SLC4A5: variants seen among roughly 807,000 people sequenced by gnomAD.
SLC4A5 encodes solute carrier family 4 member 5.
A neutral mutation model predicts 120.4 loss-of-function variants in SLC4A5; 96 were observed. That is an observed-to-expected ratio of 0.80 (90% CI 0.68 to 0.94). The LOEUF (loss-of-function observed/expected upper bound fraction) is 0.94, where lower values mean the gene tolerates loss of function less well. SLC4A5 is among the 40% of genes least tolerant of loss of function. The pLI, the probability that SLC4A5 is intolerant of heterozygous loss-of-function variation, is 0.00. For missense variants in SLC4A5, 1,259 were observed against 1,459.5 expected (o/e 0.86, Z 2.24); for synonymous variants, 550 against 571.1 (o/e 0.96, Z 0.53).
intron 3 of SLC4A5, among the ~76,000 whole-genome samples, chr2:74,338,197 G>T (rs1171876161): frequency 1.3e-5 from 2 of 152,206 alleles, no homozygotes; most frequent in African/African-American, 4.8e-5. Flanking sequence ...ATAGGAGGGA[G>T]AAATGGAGGC....
In SLC4A5 at chr2:74,264,231, C is replaced by T. The variant is rs376681752; in HGVS notation, c.631G>A (p.Val211Ile). ...TGGTGGCGGTGCCTCCTCAGGAGGA[C>T]GTAACTGACCCTCTCCCGGAGCTCT... The change falls in exon 10 of 31, where the codon GTC becomes ATC. Residue 211 changes from valine to isoleucine, a missense_variant. Coordinates refer to ENST00000394019, the Ensembl canonical transcript of SLC4A5. 9.3e-6 allele frequency: 15 copies of T among 1,614,212 alleles called. No homozygotes were observed. In the East Asian group the frequency reaches 1.1e-4, roughly 12 times the overall value.
intron 7 of SLC4A5, among the ~76,000 whole-genome samples, chr2:74,300,607 C>G (rs1269406270): frequency 6.6e-6 from 1 of 152,156 alleles, no homozygotes; most frequent in African/African-American, 2.4e-5. Context: ...CCTGTGCTGC[C>G]CCCTCTGCCA....
intron 8 of SLC4A5, among the ~76,000 whole-genome samples, chr2:74,267,280 A>T (rs1307440767): frequency 6.6e-6 from 1 of 152,178 alleles, no homozygotes; most frequent in Non-Finnish European, 1.5e-5. Flanking sequence ...CTTTTGACCC[A>T]GTGGTTCGAT....
chr2:74,239,757 C>T (rs1670378052), intron 20 of SLC4A5, among the ~76,000 whole-genome samples: 1 of 151,768 alleles, frequency 6.6e-6, no homozygotes, highest in Non-Finnish European at 1.5e-5. Context: ...CTAGGATGCA[C>T]TGCTGTGCTA....
intron 3 of SLC4A5, among the ~76,000 whole-genome samples, chr2:74,338,090 T>C (rs534760623): frequency 4.5e-4 from 68 of 152,230 alleles, no homozygotes; most frequent in African/African-American, 1.6e-3. Context: ...TGGTAGTTAA[T>C]AGGACAGTGG....
intron 8 of SLC4A5, among the ~76,000 whole-genome samples, chr2:74,268,263 C>T (rs1198152883): frequency 6.6e-6 from 1 of 152,184 alleles, no homozygotes; most frequent in Admixed American, 6.5e-5. Flanking sequence ...TCATTCAAAG[C>T]TCCTCCAACC....
At chr2:74,262,841 T>C (rs1573040242) in intron 10 of SLC4A5, among the ~76,000 whole-genome samples, 1 of 152,314 alleles carries the variant, frequency 6.6e-6, no homozygotes, top group South Asian at 2.1e-4. Context: ...TTTGTGACCT[T>C]AGGCAAGTTA....
chr2:74,219,191 G>A (rs918525380), intron 30 of SLC4A5, among the ~76,000 whole-genome samples: 15 of 116,154 alleles, frequency 1.3e-4, no homozygotes, highest in Non-Finnish European at 2.1e-4. Flanking sequence ...GTGTGTGTGT[G>A]TGTGTGTGTG....
chr2:74,282,921 G>A (rs985128175), intron 8 of SLC4A5, among the ~76,000 whole-genome samples: 3 of 152,190 alleles, frequency 2.0e-5, no homozygotes, highest in African/African-American at 7.2e-5. Context: ...CGTTCAGGGC[G>A]GGCAGTGGCT....
chr2:74,262,359 A>AATT, intron 10 of SLC4A5, 127 bp from the exon 11 acceptor site: 2 of 566,688 alleles, frequency 3.5e-6, no homozygotes, highest in Non-Finnish European at 6.0e-6. Flanking sequence ...TCTGGGAAGA[A>AATT]ATTCTTTTTT....
chr2:74,341,927 C>G (rs2104362963), intron 2 of SLC4A5, among the ~76,000 whole-genome samples: 1 of 152,286 alleles, frequency 6.6e-6, no homozygotes, highest in East Asian at 1.9e-4. Context: ...ATTGCAATGA[C>G]CTATTAAACC....
intron 8 of SLC4A5, among the ~76,000 whole-genome samples, chr2:74,271,431 C>T (rs1030584733): frequency 3.9e-5 from 6 of 152,104 alleles, no homozygotes; most frequent in Admixed American, 1.3e-4. Context: ...AGAATAAAAA[C>T]GGGTGGGATC....
At chr2:74,241,758 C>T (rs891611454) in intron 20 of SLC4A5, among the ~76,000 whole-genome samples, 37 of 130,446 alleles carry the variant, frequency 2.8e-4, no homozygotes, top group African/African-American at 7.5e-4. Flanking sequence ...AAAAAAAAAA[C>T]GCACAAAAAA....
chr2:74,303,755 C>T (rs951448594), intron 7 of SLC4A5, among the ~76,000 whole-genome samples: 2 of 152,206 alleles, frequency 1.3e-5, no homozygotes, highest in Admixed American at 6.5e-5. Context: ...CCAGGTCTTT[C>T]AGCTCCAGTG....
chr2:74,248,543 C>T (rs1336859677), intron 17 of SLC4A5, 57 bp from the exon 18 acceptor site: 1 of 1,597,986 alleles, frequency 6.3e-7, no homozygotes, highest in South Asian at 1.1e-5. Context: ...TCTCTCCACA[C>T]AGGCTGCAGC....
rs547740781 is a variant in SLC4A5, at chr2:74,232,483, C to G, written c.2760G>C (p.Gln920His). 4.3e-6 allele frequency: 7 copies of G among 1,614,006 alleles called. No individual in the cohort carries two copies. The highest frequency in any genetic ancestry group is 5.9e-6 in the Non-Finnish European group (7 of 1,179,922). ...ACCCCTCCTACCTGACTCCCAGAAA[C>G]TGGGGCTGCTCCCCAGGGGCACTGG... The change falls in exon 24 of 31, where the codon CAG (glutamine) becomes CAC (histidine). Residue 920 changes from glutamine to histidine, a missense_variant. Gln to His is a conservative substitution (Grantham distance 24). Coordinates refer to ENST00000394019, the Ensembl canonical transcript of SLC4A5.
chr2:74,219,096 AAC>A (rs1315254120), intron 30 of SLC4A5, among the ~76,000 whole-genome samples: 4 of 151,694 alleles, frequency 2.6e-5, no homozygotes, highest in African/African-American at 9.7e-5. Context: ...TCTTCTCACA[AAC>A]ACAAACACAG....
At chr2:74,307,206 C>A (rs1362307235) in intron 6 of SLC4A5, 16 of 539,460 alleles carry the variant, frequency 3.0e-5, no homozygotes, top group East Asian at 2.0e-4. Context: ...CTGCTGAGAG[C>A]AGTACTTGTC....
intron 5 of SLC4A5, among the ~76,000 whole-genome samples, chr2:74,318,341 A>T (rs1308288940): frequency 6.6e-6 from 1 of 152,222 alleles, no homozygotes; most frequent in Non-Finnish European, 1.5e-5. Flanking sequence ...GAGAAATGCA[A>T]ATTAAAACCA....
Sources: allele counts gnomAD v4.1 joint callset (sites outside exome capture counted in the v4.1 genomes callset), GRCh38; gene constraint gnomAD v4.1.1; transcripts MANE v1.5; gene names NCBI Gene and HGNC (gene_info 2026-07-23, HGNC 2026-07-21).